The following DACH2 variants were observed in gnomAD, a reference collection of about 807,000 sequenced individuals.
The protein encoded by DACH2 is dachshund homolog 2.
In DACH2, 17 loss-of-function variants were observed where a neutral mutation model predicts 35.8. The observed-to-expected ratio is 0.48, with a 90% CI of 0.33 to 0.71. The LOEUF (loss-of-function observed/expected upper bound fraction) is 0.71, where lower values mean the gene tolerates loss of function less well. DACH2 is among the 30% of genes least tolerant of loss of function. The pLI, the probability that DACH2 is intolerant of heterozygous loss-of-function variation, is 0.02. For synonymous variants in DACH2, 195 were observed against 177.3 expected (o/e 1.10, Z -0.79); for missense variants, 469 against 472.7 (o/e 0.99, Z 0.07).
At chrX:86,678,088 G>A (rs1011434005) in intron 4 of DACH2, among the ~76,000 whole-genome samples, 1 of 111,689 alleles carries the variant, frequency 9.0e-6, no homozygotes, top group East Asian at 2.8e-4. Flanking sequence ...TTTTTTTAAA[G>A]GTAATCAAGG....
chrX:86,685,833 C>A (rs2040936319), intron 4 of DACH2, among the ~76,000 whole-genome samples: 1 of 111,008 alleles, frequency 9.0e-6, no homozygotes, highest in South Asian at 3.8e-4. Flanking sequence ...CAGCACGAAG[C>A]CATAAGGGTT....
intron 1 of DACH2, among the ~76,000 whole-genome samples, chrX:86,278,993 A>G (rs1249344747): frequency 8.9e-6 from 1 of 112,024 alleles, no homozygotes; most frequent in Non-Finnish European, 1.9e-5. Context: ...GCCTCTCTAG[A>G]TTCCTCCTCT....
chrX:86,819,986 T>G (rs1176848788), intron 11 of DACH2, among the ~76,000 whole-genome samples: 1 of 111,668 alleles, frequency 9.0e-6, no homozygotes, highest in East Asian at 2.8e-4. Flanking sequence ...TTAAAAAAAA[T>G]GAAGTTAACA....
chrX:86,809,157 T>C (rs2042372390), intron 7 of DACH2, among the ~76,000 whole-genome samples: 1 of 111,811 alleles, frequency 8.9e-6, no homozygotes, highest in Admixed American at 9.5e-5. Flanking sequence ...AGATGGCAGT[T>C]CTCCTATTCT....
chrX:86,267,682 T>C (rs908097937), intron 1 of DACH2, among the ~76,000 whole-genome samples: 3 of 112,152 alleles, frequency 2.7e-5, no homozygotes, highest in African/African-American at 9.7e-5. Flanking sequence ...TTAGCCATAA[T>C]ATTCTATGAT....
At chrX:86,620,260 G>A (rs563287276) in intron 3 of DACH2, among the ~76,000 whole-genome samples, 11 of 111,713 alleles carry the variant, frequency 9.8e-5, no homozygotes, top group South Asian at 3.7e-4. Context: ...TTGCCTTAAA[G>A]TTGTACATAG....
intron 1 of DACH2, among the ~76,000 whole-genome samples, chrX:86,199,468 C>A (rs2147900285): frequency 9.0e-6 from 1 of 111,560 alleles, no homozygotes; most frequent in South Asian, 3.7e-4. Context: ...AGAGAGGAAG[C>A]CAAGCTATCC....
chrX:86,792,219 A>G (rs1569482767), intron 7 of DACH2, among the ~76,000 whole-genome samples: 1 of 111,487 alleles, frequency 9.0e-6, no homozygotes, highest in Non-Finnish European at 1.9e-5. Flanking sequence ...TTGCAAAACA[A>G]TTGGAAACTG....
chrX:86,458,412 T>C (rs2037512588), intron 2 of DACH2, among the ~76,000 whole-genome samples: 1 of 111,484 alleles, frequency 9.0e-6, no homozygotes, highest in African/African-American at 3.3e-5. Context: ...GCTGATAAAA[T>C]GTGATTAATG....
At chrX:86,620,528 T>C (rs945553006) in intron 3 of DACH2, among the ~76,000 whole-genome samples, 1 of 111,673 alleles carries the variant, frequency 9.0e-6, no homozygotes, top group Non-Finnish European at 1.9e-5. Flanking sequence ...AACATATTGG[T>C]CCATTTTCTC....
intron 3 of DACH2, among the ~76,000 whole-genome samples, chrX:86,547,183 G>A (rs1044285682): frequency 2.7e-4 from 30 of 111,224 alleles, no homozygotes; most frequent in African/African-American, 9.8e-4. Flanking sequence ...AGAGAATCCC[G>A]ATTATGTAAA....
chrX:86,581,903 A>G (rs1419287094), intron 3 of DACH2, among the ~76,000 whole-genome samples: 1 of 111,558 alleles, frequency 9.0e-6, no homozygotes, highest in Non-Finnish European at 1.9e-5. Context: ...CCCTAAAACA[A>G]CAGAATATAC....
intron 6 of DACH2, among the ~76,000 whole-genome samples, chrX:86,715,091 A>G (rs992251602): frequency 1.8e-5 from 2 of 111,369 alleles, no homozygotes; most frequent in African/African-American, 3.3e-5. Flanking sequence ...ATGAGGTATG[A>G]TATAACATAC....
At chrX:86,494,742 G>A (rs2148249652) in intron 2 of DACH2, among the ~76,000 whole-genome samples, 1 of 112,118 alleles carries the variant, frequency 8.9e-6, no homozygotes, top group African/African-American at 3.2e-5. Flanking sequence ...CCTTTTCAGA[G>A]ACTCTTATTT....
intron 1 of DACH2, among the ~76,000 whole-genome samples, chrX:86,309,459 G>A (rs1332966724): frequency 1.9e-5 from 2 of 104,647 alleles, no homozygotes; most frequent in Admixed American, 2.1e-4. Flanking sequence ...CTACCACAGG[G>A]GTATCTCTAC....
At chrX:86,285,933 G>GT (rs1042391385) in intron 1 of DACH2, among the ~76,000 whole-genome samples, 4 of 109,992 alleles carry the variant, frequency 3.6e-5, no homozygotes, top group Non-Finnish European at 5.7e-5. Flanking sequence ...TTGTCTCATA[G>GT]TTTTTTTTCT....
chrX:86,567,885 C>G (rs1021973764), intron 3 of DACH2, among the ~76,000 whole-genome samples: 1 of 111,017 alleles, frequency 9.0e-6, no homozygotes, highest in African/African-American at 3.3e-5. Flanking sequence ...TCATAGTTTC[C>G]AAAACATGAA....
At chrX:86,668,813 T>C (rs2040729790) in intron 4 of DACH2, among the ~76,000 whole-genome samples, 1 of 111,632 alleles carries the variant, frequency 9.0e-6, no homozygotes, top group Non-Finnish European at 1.9e-5. Context: ...ATGCACCTTG[T>C]TTTTAATTTT....
chrX:86,590,977 G>A lies in DACH2; in HGVS notation c.641-60059G>A, dbSNP rs991353517. Among the ~76,000 whole-genome samples the A allele has an allele frequency of 2.2e-4, 23 of 106,053 alleles. 1 individual carries two copies. The Middle Eastern group carries it at 0.014, about 66-fold the overall frequency. 92.1% of individuals were successfully genotyped at this position (106,053 alleles called of 115,157 possible). ...TATCCCTCCCCCTTCCCCCTTCCCC[G>A]CACCCTACAACAGTCCCCGGTGTGT... On this transcript the variant is annotated intron_variant, in intron 3 of 11. Transcript: ENST00000373125.
Sources: allele counts gnomAD v4.1 joint callset (sites outside exome capture counted in the v4.1 genomes callset), GRCh38; gene constraint gnomAD v4.1.1; transcripts MANE v1.5; gene names NCBI Gene and HGNC (gene_info 2026-07-23, HGNC 2026-07-21).